AFTPH: variants seen among roughly 807,000 people sequenced by gnomAD.
AFTPH encodes aftiphilin protein.
In AFTPH, 7 loss-of-function variants were observed where a neutral mutation model predicts 72.5. The observed-to-expected ratio is 0.10, with a 90% CI of 0.05 to 0.18. The LOEUF (loss-of-function observed/expected upper bound fraction) is 0.18. AFTPH is among the 10% of genes least tolerant of loss of function. The pLI, the probability that AFTPH is intolerant of heterozygous loss-of-function variation, is 1.00. For synonymous variants in AFTPH, 337 were observed against 370.1 expected (o/e 0.91, Z 1.03); for missense variants, 979 against 1,060.5 (o/e 0.92, Z 1.07).
At chr2:64,576,819 C>T (rs1056218702) in intron 6 of AFTPH, among the ~76,000 whole-genome samples, 7 of 152,032 alleles carry the variant, frequency 4.6e-5, no homozygotes, top group African/African-American at 9.7e-5. Flanking sequence ...AGTGCAATGG[C>T]GCAGTCTCAG....
exon 2 of AFTPH, chr2:64,553,121 C>T: frequency 6.2e-7 from 1 of 1,614,154 alleles, no homozygotes; most frequent in African/African-American, 1.3e-5. Flanking sequence ...AGGATGACTG[C>T]AATGGTTTTC....
At chr2:64,577,773 A>C (rs1672913586) in intron 6 of AFTPH, among the ~76,000 whole-genome samples, 1 of 152,230 alleles carries the variant, frequency 6.6e-6, no homozygotes, top group Non-Finnish European at 1.5e-5. Flanking sequence ...AAATAATTAT[A>C]GATTCATAGG....
intron 6 of AFTPH, among the ~76,000 whole-genome samples, chr2:64,573,533 T>G (rs1257692745): frequency 6.6e-6 from 1 of 152,222 alleles, no homozygotes; most frequent in African/African-American, 2.4e-5. Context: ...CTGTGAAATT[T>G]TATAAAGCAG....
chr2:64,586,473 T>C (rs1267390079), intron 8 of AFTPH, among the ~76,000 whole-genome samples: 1 of 152,256 alleles, frequency 6.6e-6, no homozygotes, highest in Non-Finnish European at 1.5e-5. Context: ...AAAAGCCTTT[T>C]TTATTGTGAA....
chr2:64,579,691 G>A, intron 7 of AFTPH, 145 bp downstream of exon 7: 1 of 665,558 alleles, frequency 1.5e-6, no homozygotes, highest in Non-Finnish European at 2.5e-6. Flanking sequence ...TTTCTGAACA[G>A]TAATTGCTCA....
intron 6 of AFTPH, among the ~76,000 whole-genome samples, chr2:64,576,781 A>C (rs1672830956): frequency 6.6e-6 from 1 of 152,038 alleles, no homozygotes; most frequent in African/African-American, 2.4e-5. Context: ...TTTTTGAAAC[A>C]AGAGTTTTGC....
exon 2 of AFTPH, chr2:64,552,603 G>T (rs1345645173): frequency 6.2e-7 from 1 of 1,614,118 alleles, no homozygotes; most frequent in East Asian, 2.2e-5. Flanking sequence ...TAAAACTTCT[G>T]ATGATGAAGT....
At chr2:64,556,030 C>G (rs1467965550) in intron 2 of AFTPH, among the ~76,000 whole-genome samples, 1 of 145,124 alleles carries the variant, frequency 6.9e-6, no homozygotes, top group Non-Finnish European at 1.5e-5. Context: ...CTCTGTCACC[C>G]AGGCTGGAGT....
At chr2:64,527,160 C>T (rs1020436507) in intron 1 of AFTPH, among the ~76,000 whole-genome samples, 6 of 152,144 alleles carry the variant, frequency 3.9e-5, no homozygotes, top group Admixed American at 3.3e-4. Flanking sequence ...ATCTTTATAT[C>T]CTTAAAAAAA....
At chr2:64,583,447 T>TTTG (rs1483506344) in intron 7 of AFTPH, among the ~76,000 whole-genome samples, 1 of 152,006 alleles carries the variant, frequency 6.6e-6, no homozygotes, top group Admixed American at 6.5e-5. Context: ...GGGGTGTGAT[T>TTTG]TTGTTGTCTT....
At chr2:64,561,122 T>C (rs912424209) in intron 2 of AFTPH, among the ~76,000 whole-genome samples, 1 of 152,072 alleles carries the variant, frequency 6.6e-6, no homozygotes, top group Non-Finnish European at 1.5e-5. Context: ...ATAGAGAAAA[T>C]GAAAAAGGAG....
chr2:64,553,459 G>C (rs1360360147), intron 2 of AFTPH, 50 bp downstream of exon 2: 1 of 1,490,980 alleles, frequency 6.7e-7, no homozygotes, highest in South Asian at 1.4e-5. Flanking sequence ...TGTTGTGGAG[G>C]CTTCTAATTT....
At chr2:64,532,023 A>G (rs1669659236) in intron 1 of AFTPH, among the ~76,000 whole-genome samples, 1 of 152,224 alleles carries the variant, frequency 6.6e-6, no homozygotes, top group South Asian at 2.1e-4. Context: ...GTAATTTTTC[A>G]AGTTACAAGT....
At chr2:64,584,891 T>A (rs368889109) in intron 7 of AFTPH, among the ~76,000 whole-genome samples, 5 of 152,150 alleles carry the variant, frequency 3.3e-5, no homozygotes, top group Non-Finnish European at 7.3e-5. Flanking sequence ...CCACCGCGCC[T>A]GGCCAGTCAT....
intron 3 of AFTPH, 106 bp from the exon 4 acceptor site, chr2:64,568,986 A>C: frequency 8.1e-7 from 1 of 1,234,672 alleles, no homozygotes; most frequent in Non-Finnish European, 1.2e-6. Context: ...CGTTGGACCC[A>C]AGAGTAAATG....
intron 1 of AFTPH, among the ~76,000 whole-genome samples, chr2:64,535,012 ACTC>A (rs1386288140): frequency 1.3e-5 from 2 of 151,844 alleles, no homozygotes; most frequent in Admixed American, 6.5e-5. Context: ...AATATTGTAA[ACTC>A]CTTGTTTTTG....
At chr2:64,576,118 C>CACACGT (rs1553404165) in intron 6 of AFTPH, among the ~76,000 whole-genome samples, 1,984 of 136,952 alleles carry the variant, frequency 0.014, 25 homozygotes, top group African/African-American at 0.035. Context: ...CACACACACA[C>CACACGT]GTGTGTCATA....
intron 8 of AFTPH, among the ~76,000 whole-genome samples, chr2:64,588,205 A>G (rs10175173): frequency 0.2 from 30,120 of 151,978 alleles, 4,176 homozygotes; most frequent in African/African-American, 0.39. Context: ...GGAATTCTAT[A>G]GTCTGCAGCC....
intron 1 of AFTPH, among the ~76,000 whole-genome samples, chr2:64,537,003 A>G (rs1405084088): frequency 1.3e-5 from 2 of 151,458 alleles, no homozygotes. Context: ...CTTTTCAGAA[A>G]TGCTTTTTCA....
Sources: gnomAD v4.1 joint callset for allele counts (sites outside exome capture counted in the v4.1 genomes callset) on GRCh38, gnomAD v4.1.1 for gene constraint, MANE v1.5 for transcripts, NCBI Gene and HGNC (gene_info 2026-07-23, HGNC 2026-07-21) for gene names.